The following ACAD9 variants were observed in gnomAD, a reference collection of about 807,000 sequenced individuals.
ACAD9 encodes acyl-CoA dehydrogenase family member 9, also known as complex I assembly factor ACAD9, mitochondrial.
In ACAD9, 53 loss-of-function variants were observed where a neutral mutation model predicts 70.2. That is an observed-to-expected ratio of 0.75 (90% CI 0.61 to 0.95). The LOEUF (loss-of-function observed/expected upper bound fraction) is 0.95, where lower values mean the gene tolerates loss of function less well. ACAD9 is among the 40% of genes least tolerant of loss of function. ACAD9 has a pLI of 0.00. For synonymous variants in ACAD9, 313 were observed against 312.1 expected (o/e 1.00, Z -0.03); for missense variants, 777 against 802.8 (o/e 0.97, Z 0.39).
chr3:128,896,097 C>T (rs1935561627), intron 4 of ACAD9, among the ~76,000 whole-genome samples: 1 of 152,166 alleles, frequency 6.6e-6, no homozygotes, highest in African/African-American at 2.4e-5. Flanking sequence ...GTGGGAGTGG[C>T]CCAGTTTGTG....
intron 3 of ACAD9, 55 bp from the exon 4 acceptor site, chr3:128,895,255 T>A: frequency 7.1e-7 from 1 of 1,400,486 alleles, no homozygotes; most frequent in Non-Finnish European, 1.0e-6. Flanking sequence ...CAATGAAGCC[T>A]TAATGGGAGG....
At chr3:128,881,913 A>T (rs1440292579) in intron 1 of ACAD9, among the ~76,000 whole-genome samples, 1 of 152,198 alleles carries the variant, frequency 6.6e-6, no homozygotes, top group African/African-American at 2.4e-5. Context: ...ATCTACAGCC[A>T]TCTGCTGGGT....
chr3:128,912,689 T>A lies in ACAD9; in HGVS notation c.*82T>A, dbSNP rs1377198841. Reference sequence around the variant, plus strand: ...TGACTGTTACTCTTTTTTCAGAAGGTGTTGGGATTATCACAGGTTAAGCCT... The same window carrying A: ...TGACTGTTACTCTTTTTTCAGAAGGAGTTGGGATTATCACAGGTTAAGCCT... On this transcript the variant is annotated 3_prime_UTR_variant, in exon 18 of 18. Coordinates refer to ENST00000308982, the MANE Select transcript of ACAD9 (RefSeq NM_014049.5). The A allele has an allele frequency of 1.6e-6, 2 of 1,263,350 alleles. No individual in the cohort carries two copies. The highest frequency in any genetic ancestry group is 1.7e-5 in the Admixed American group (1 of 59,482). 78.3% of individuals were successfully genotyped at this position (1,263,350 alleles called of 1,614,324 possible). A position where few individuals can be genotyped will look rare whatever the true frequency, so the allele number is the denominator to read the frequency against.
chr3:128,908,591 A>C (rs1415439688), intron 13 of ACAD9: 2 of 550,936 alleles, frequency 3.6e-6, no homozygotes, highest in Non-Finnish European at 6.5e-6. Context: ...CTCACAGCCA[A>C]CATAAGCCAG....
chr3:128,896,421 G>A lies in ACAD9; in HGVS notation c.454-15G>A. ...CTCCCCACAGCTGACATTAGTCTGTGTCTGTTTTGTTTAGGGGATCATCTT... is the reference window on the plus strand; with the variant it reads ...CTCCCCACAGCTGACATTAGTCTGTATCTGTTTTGTTTAGGGGATCATCTT... On this transcript the variant is annotated splice_polypyrimidine_tract_variant and intron_variant, in intron 4 of 17. Transcript: ENST00000308982. 3.7e-6 allele frequency: 6 copies of A among 1,612,812 alleles called. No individual in the cohort carries two copies. Among genetic ancestry groups the A allele is most frequent in the Non-Finnish European group, 5.1e-6 (6 of 1,178,806 alleles).
chr3:128,896,525 G>T lies in ACAD9; in HGVS notation c.543G>T (p.Thr181=). 1.9e-6 allele frequency: 3 copies of T among 1,614,072 alleles called. No homozygotes were observed. The highest frequency in any genetic ancestry group is 2.5e-6 in the Non-Finnish European group (3 of 1,180,006). ...AGCACATTGCAGCCTTCTGCCTCAC[G>T]GAGCCAGCCAGGTCTGTCTCTGCAC... The part of the protein sequence containing the change: ...SGEHIAAFCL[T]EPASGSDAAS... The change falls in exon 5 of 18, where the codon ACG becomes ACT. Residue 181 remains threonine, a synonymous_variant. Coordinates refer to ENST00000308982, the MANE Select transcript of ACAD9 (RefSeq NM_014049.5).
intron 13 of ACAD9, 104 bp downstream of exon 13, chr3:128,908,368 C>A: frequency 7.3e-7 from 1 of 1,376,292 alleles, no homozygotes; most frequent in Non-Finnish European, 1.0e-6. Context: ...GGAGTGGGGG[C>A]ATGGGGGTGT....
intron 6 of ACAD9, 33 bp from the exon 7 acceptor site, chr3:128,899,253 TG>T: frequency 6.2e-7 from 1 of 1,612,656 alleles, no homozygotes; most frequent in Non-Finnish European, 8.5e-7. Context: ...CATAGGGGTT[TG>T]GTTTTCTCCA....
chr3:128,881,839 G>A (rs1262481885), intron 1 of ACAD9, among the ~76,000 whole-genome samples: 3 of 152,120 alleles, frequency 2.0e-5, no homozygotes, highest in African/African-American at 7.2e-5. Context: ...CTCCTTGACC[G>A]CTAAACAGTG....
intron 5 of ACAD9, among the ~76,000 whole-genome samples, chr3:128,896,751 G>C (rs1280830042): frequency 6.6e-6 from 1 of 152,220 alleles, no homozygotes; most frequent in African/African-American, 2.4e-5. Flanking sequence ...ACGCTTGACA[G>C]CACTTATTAA....
chr3:128,879,958 G>A (rs747914838), intron 1 of ACAD9, 117 bp downstream of exon 1: 1 of 1,571,668 alleles, frequency 6.4e-7, no homozygotes, highest in Non-Finnish European at 8.6e-7. Context: ...TACACCCTGC[G>A]GCCGAGGCGT....
At chr3:128,909,753 A>G (rs1384507442) in intron 15 of ACAD9, 1 of 605,524 alleles carries the variant, frequency 1.7e-6, no homozygotes, top group Non-Finnish European at 2.9e-6. Context: ...AGGTGGCAGT[A>G]GCACAGTAAG....
intron 7 of ACAD9, 65 bp downstream of exon 7, chr3:128,899,526 GTGTGTGTGTGT>G: frequency 4.9e-6 from 4 of 815,356 alleles, no homozygotes; most frequent in Non-Finnish European, 6.8e-6. Flanking sequence ...CTTTGACGGT[GTGTGTGTGTGT>G]GTGTGTGTGT....
intron 6 of ACAD9, 41 bp from the exon 7 acceptor site, chr3:128,899,245 TA>T: frequency 6.2e-7 from 1 of 1,607,380 alleles, no homozygotes; most frequent in Non-Finnish European, 8.5e-7. Flanking sequence ...GTGGGTCACA[TA>T]GGGGTTTGGT....
intron 2 of ACAD9, among the ~76,000 whole-genome samples, chr3:128,886,362 A>T (rs1437696084): frequency 6.6e-6 from 1 of 151,828 alleles, no homozygotes; most frequent in East Asian, 2.0e-4. Flanking sequence ...CAGCCTCCCC[A>T]AGTGCTGGGA....
chr3:128,884,848 A>G (rs1463593192), intron 2 of ACAD9, 102 bp downstream of exon 2: 1 of 942,138 alleles, frequency 1.1e-6, no homozygotes, highest in Non-Finnish European at 1.7e-6. Flanking sequence ...TTCTTGAGGG[A>G]GAAATGGTTT....
rs569083414 is a variant in ACAD9 at position 128,912,745 on chromosome 3, C to G, written c.*138C>G. The G allele has an allele frequency of 2.3e-6, 2 of 855,286 alleles. No individual in the cohort carries two copies. Among genetic ancestry groups the G allele is most frequent in the Admixed American group, 1.7e-5 (1 of 58,674 alleles). The allele number at this position is 855,286 out of a possible 1,614,324, so 53.0% of individuals were successfully genotyped here. On this transcript the variant is annotated 3_prime_UTR_variant, in exon 18 of 18. Coordinates refer to ENST00000308982, the MANE Select transcript of ACAD9 (RefSeq NM_014049.5). Reference sequence around the variant, plus strand: ...TCCCCGTCTGCACCTGAAGGGTTGTCGCCTGGCCTGGGAGAGCCTCTTCCA... The same window carrying G: ...TCCCCGTCTGCACCTGAAGGGTTGTGGCCTGGCCTGGGAGAGCCTCTTCCA...
At chr3:128,888,789 A>G (rs1226291360) in intron 2 of ACAD9, among the ~76,000 whole-genome samples, 2 of 152,152 alleles carry the variant, frequency 1.3e-5, no homozygotes, top group African/African-American at 4.8e-5. Context: ...ATAATTTAGA[A>G]ATACTTATTT....
intron 14 of ACAD9, 82 bp from the exon 15 acceptor site, chr3:128,909,260 ATC>A: frequency 6.3e-7 from 1 of 1,599,728 alleles, no homozygotes; most frequent in Non-Finnish European, 8.6e-7. Context: ...CAGATGGGGC[ATC>A]TCTGCCTGGT....
Sources: gnomAD v4.1 joint callset for allele counts (sites outside exome capture counted in the v4.1 genomes callset) on GRCh38, gnomAD v4.1.1 for gene constraint, MANE v1.5 for transcripts, NCBI Gene and HGNC (gene_info 2026-07-23, HGNC 2026-07-21) for gene names.